Variants in APOOL observed in about 807,000 individuals in gnomAD.
The protein encoded by APOOL is apolipoprotein O like.
Under a neutral mutation model 23.1 loss-of-function variants are expected in APOOL, and 12 were observed. The observed-to-expected ratio is 0.52, with a 90% confidence interval of 0.33 to 0.84. The LOEUF is 0.84. Among genes scored for constraint, APOOL ranks in the 40% least tolerant of loss-of-function variants. APOOL has a pLI of 0.02. For synonymous variants in APOOL, 77 were observed against 69.9 expected (o/e 1.10, Z -0.51); for missense variants, 212 against 199.6 (o/e 1.06, Z -0.37).
chrX:85,009,029 T>G (rs1002135698), intron 1 of APOOL, among the ~76,000 whole-genome samples: 1 of 111,865 alleles, frequency 8.9e-6, no homozygotes, highest in Non-Finnish European at 1.9e-5. Flanking sequence ...GGGATTGCTT[T>G]CTTTCTTTCT....
intron 1 of APOOL, among the ~76,000 whole-genome samples, chrX:85,041,964 A>G (rs777332305): frequency 1.8e-5 from 2 of 110,959 alleles, no homozygotes; most frequent in African/African-American, 6.6e-5. Flanking sequence ...GCTTGTGTTC[A>G]CTGGCTACTG....
rs763049464 is a variant in APOOL, at chrX:85,078,425, G to C, written c.718+4034G>C. Among the ~76,000 whole-genome samples the C allele has an allele frequency of 5.4e-3, 596 of 111,163 alleles. 6 individuals carry two copies. Among genetic ancestry groups the C allele is most frequent in the African/African-American group, 0.019 (568 of 30,562 alleles). On this transcript the variant is annotated intron_variant, in intron 8 of 8. Coordinates refer to ENST00000373173, the MANE Select transcript of APOOL (RefSeq NM_198450.6). The stretch of plus-strand genomic sequence containing the variant: ...AGATGTGTGGTGTTACTTCTGAGGT[G>C]TCTGTTCTGTTCCATTGGTCTATCT...
intron 8 of APOOL, among the ~76,000 whole-genome samples, chrX:85,084,805 A>G (rs1479465794): frequency 8.9e-6 from 1 of 112,174 alleles, no homozygotes; most frequent in African/African-American, 3.2e-5. Flanking sequence ...AAGAATATAA[A>G]TTAAGGAAGT....
chrX:85,058,263 C>T, intron 5 of APOOL, among the ~76,000 whole-genome samples: 1 of 109,775 alleles, frequency 9.1e-6, no homozygotes, highest in Non-Finnish European at 1.9e-5. Context: ...GTGTTGTTCC[C>T]CTCCCTGTGT....
chrX:85,056,149 G>A (rs943712040), intron 5 of APOOL, among the ~76,000 whole-genome samples: 1 of 111,211 alleles, frequency 9.0e-6, no homozygotes, highest in Non-Finnish European at 1.9e-5. Flanking sequence ...TTAGGGAAAT[G>A]CAGATGAAAA....
At chrX:85,065,154 A>G (rs1452215953) in intron 5 of APOOL, among the ~76,000 whole-genome samples, 1 of 110,923 alleles carries the variant, frequency 9.0e-6, no homozygotes, top group African/African-American at 3.3e-5. Flanking sequence ...GTGTTTTTTG[A>G]CATCTGTTGG....
chrX:85,057,477 A>T (rs1923011089), intron 5 of APOOL, among the ~76,000 whole-genome samples: 1 of 106,113 alleles, frequency 9.4e-6, no homozygotes, highest in African/African-American at 3.4e-5. Context: ...TATATATATA[A>T]AACATATATA....
chrX:85,010,838 C>G (rs757582645), intron 1 of APOOL, among the ~76,000 whole-genome samples: 5 of 110,977 alleles, frequency 4.5e-5, no homozygotes, highest in Non-Finnish European at 7.6e-5. Flanking sequence ...TATATAATGA[C>G]TTTTTTTCTT....
intron 8 of APOOL, among the ~76,000 whole-genome samples, chrX:85,077,018 CGTATATATATGT>C (rs1569460466): frequency 1.3e-3 from 98 of 74,570 alleles, no homozygotes; most frequent in African/African-American, 5.6e-3. Flanking sequence ...TATATATATA[CGTATATATATGT>C]ATGTATATAT....
chrX:85,023,789 G>T (rs1288166972), intron 1 of APOOL, among the ~76,000 whole-genome samples: 1 of 112,280 alleles, frequency 8.9e-6, no homozygotes, highest in Non-Finnish European at 1.9e-5. Context: ...AGAAGAAAGA[G>T]AATATCACTG....
chrX:85,059,397 A>G (rs1923101970), intron 5 of APOOL, among the ~76,000 whole-genome samples: 1 of 110,185 alleles, frequency 9.1e-6, no homozygotes, highest in Non-Finnish European at 1.9e-5. Flanking sequence ...ATACCCAGTA[A>G]TGGGATGGCT....
intron 1 of APOOL, among the ~76,000 whole-genome samples, chrX:85,038,628 G>A (rs1434741029): frequency 2.0e-5 from 2 of 100,745 alleles, no homozygotes; most frequent in Non-Finnish European, 4.0e-5. Flanking sequence ...TTTCTTCATG[G>A]TTCAATCTTG....
chrX:85,062,587 G>T (rs1303045266), intron 5 of APOOL, among the ~76,000 whole-genome samples: 1 of 111,741 alleles, frequency 8.9e-6, no homozygotes, highest in African/African-American at 3.3e-5. Flanking sequence ...TCCTGCATAT[G>T]GCTAGCCAGT....
intron 6 of APOOL, among the ~76,000 whole-genome samples, chrX:85,070,603 G>T (rs1220871700): frequency 9.0e-6 from 1 of 111,046 alleles, no homozygotes; most frequent in Non-Finnish European, 1.9e-5. Flanking sequence ...TATATTCAAG[G>T]TGTACAACAT....
chrX:85,046,270 A>G, intron 1 of APOOL, 176 bp from the exon 2 acceptor site: 1 of 398,428 alleles, frequency 2.5e-6, no homozygotes, highest in Non-Finnish European at 4.4e-6. Flanking sequence ...ATCCAGTATG[A>G]GAAGATAATT....
intron 6 of APOOL, among the ~76,000 whole-genome samples, chrX:85,072,103 C>T (rs1171365308): frequency 1.0e-4 from 11 of 110,389 alleles, no homozygotes; most frequent in Admixed American, 9.7e-4. Flanking sequence ...AGAGAGACTC[C>T]GTCTCAAAAA....
intron 4 of APOOL, among the ~76,000 whole-genome samples, chrX:85,054,741 C>T (rs756950780): frequency 5.4e-5 from 6 of 110,973 alleles, no homozygotes; most frequent in African/African-American, 1.6e-4. Flanking sequence ...ATCGAGCTTA[C>T]GTAACTGTAA....
chrX:85,065,556 G>A (rs1923428100), intron 5 of APOOL, among the ~76,000 whole-genome samples: 2 of 111,001 alleles, frequency 1.8e-5, no homozygotes, highest in African/African-American at 3.3e-5. Flanking sequence ...CGCAGGCGTG[G>A]TGGTGATGAA....
intron 8 of APOOL, among the ~76,000 whole-genome samples, chrX:85,084,640 A>G (rs1302032247): frequency 9.0e-6 from 1 of 110,758 alleles, no homozygotes; most frequent in Non-Finnish European, 1.9e-5. Context: ...GGGGATTCTG[A>G]TACATATTAC....
Sources: allele counts gnomAD v4.1 joint callset (sites outside exome capture counted in the v4.1 genomes callset), GRCh38; gene constraint gnomAD v4.1.1; transcripts MANE v1.5; gene names NCBI Gene and HGNC (gene_info 2026-07-23, HGNC 2026-07-21).